Variants in ABI3BP observed in about 807,000 individuals in gnomAD.
ABI3BP encodes the protein ABI family member 3 binding protein.
ABI3BP carries 216 observed loss-of-function variants against 268.6 expected under a neutral mutation model. That is an observed-to-expected ratio of 0.80 (90% confidence interval 0.72 to 0.90). The LOEUF is 0.90. ABI3BP is among the 40% of genes least tolerant of loss of function. The pLI is 0.00. For missense variants in ABI3BP, 2,090 were observed against 2,182.4 expected (o/e 0.96, Z 0.84); for synonymous variants, 730 against 730.0 (o/e 1.00, Z 0.00).
chr3:100,795,802 A>AC lies in ABI3BP; in HGVS notation c.3865+1dup. On this transcript the variant is annotated splice_donor_variant, in intron 53 of 67. Transcript: ENST00000471714. LOFTEE classifies it high-confidence loss of function. ...AGTTGGTCAATATGGGAAAACCATTACCTATTGTTGTCTTTGGTGGCTCAA... is the reference window on the plus strand; with the variant it reads ...AGTTGGTCAATATGGGAAAACCATTACCCTATTGTTGTCTTTGGTGGCTCAA... 1 of 1,287,294 alleles carries AC rather than the reference A, an allele frequency of 7.8e-7. No individual in the cohort carries two copies. 79.7% of individuals were successfully genotyped at this position (1,287,294 alleles called of 1,614,324 possible).
intron 50 of ABI3BP, among the ~76,000 whole-genome samples, chr3:100,806,621 T>C (rs1432514230): frequency 1.3e-5 from 2 of 152,092 alleles, no homozygotes; most frequent in African/African-American, 4.8e-5. Context: ...TTACATTAAG[T>C]AGCACTGACA....
At chr3:100,862,283 G>T (rs753946402) in intron 14 of ABI3BP, 28 bp downstream of exon 14, 7 of 1,482,882 alleles carry the variant, frequency 4.7e-6, no homozygotes, top group South Asian at 1.3e-5. Flanking sequence ...TGTTATAATC[G>T]ATTTTTTTAA....
At chr3:100,976,958 C>T (rs748036743) in intron 1 of ABI3BP, among the ~76,000 whole-genome samples, 9 of 152,212 alleles carry the variant, frequency 5.9e-5, no homozygotes, top group African/African-American at 1.2e-4. Context: ...AGATGTGGTC[C>T]TTTAGCTGCT....
In ABI3BP at chr3:100,834,731, G is replaced by A; in HGVS notation, c.2234C>T (p.Pro745Leu). ...SQRTRTRRPR[P>L]KHKTTPRPET... ...TGGGCGTGGCGTGGTTTTATGTTTG[G>A]GACGTGGACGACGTGTTCTTGTTCG... is the stretch of plus-strand genomic sequence containing the variant. Residue 745 changes from proline to leucine, a missense_variant, in exon 29 of 68, where the codon CCC becomes CTC. Transcript: ENST00000471714. 6.5e-7 allele frequency: 1 copy of A among 1,535,722 alleles called. No homozygotes were observed. Among genetic ancestry groups the A allele is most frequent in the Non-Finnish European group, 8.7e-7 (1 of 1,146,570 alleles).
intron 2 of ABI3BP, among the ~76,000 whole-genome samples, chr3:100,913,165 A>G (rs2057385987): frequency 6.6e-6 from 1 of 152,214 alleles, no homozygotes; most frequent in East Asian, 1.9e-4. Context: ...TATTCCGGTG[A>G]CAAAGAACTG....
intron 1 of ABI3BP, among the ~76,000 whole-genome samples, chr3:100,981,147 C>T (rs2089197378): frequency 1.3e-5 from 2 of 151,880 alleles, no homozygotes; most frequent in African/African-American, 2.4e-5. Context: ...GTGTGCTTTT[C>T]TAAGATTGGT....
intron 6 of ABI3BP, among the ~76,000 whole-genome samples, chr3:100,881,948 T>A (rs1325193109): frequency 6.6e-6 from 1 of 152,210 alleles, no homozygotes; most frequent in African/African-American, 2.4e-5. Context: ...TATCTAGATA[T>A]ATGAATTACA....
intron 14 of ABI3BP, among the ~76,000 whole-genome samples, chr3:100,861,108 A>C (rs1306370456): frequency 3.3e-5 from 5 of 152,184 alleles, no homozygotes; most frequent in African/African-American, 1.2e-4. Flanking sequence ...TTTTAGAGTC[A>C]GTGACTAGGG....
At chr3:100,990,770 G>A (rs1417502183) in intron 1 of ABI3BP, among the ~76,000 whole-genome samples, 6 of 152,014 alleles carry the variant, frequency 3.9e-5, no homozygotes, top group Middle Eastern at 3.2e-3. Context: ...CTGCCTATCT[G>A]GCAGGAGGCA....
intron 44 of ABI3BP, among the ~76,000 whole-genome samples, chr3:100,814,189 G>T (rs1489144955): frequency 2.0e-5 from 3 of 151,818 alleles, no homozygotes; most frequent in Non-Finnish European, 4.4e-5. Context: ...AAAAAAAATT[G>T]CTGACTCCTG....
chr3:100,917,270 T>A (rs976851223), intron 2 of ABI3BP, among the ~76,000 whole-genome samples: 1 of 152,056 alleles, frequency 6.6e-6, no homozygotes, highest in Non-Finnish European at 1.5e-5. Flanking sequence ...CAAAAACAAT[T>A]GGGGAACAAT....
chr3:100,806,447 A>C (rs1307397911), intron 50 of ABI3BP, among the ~76,000 whole-genome samples: 1 of 152,110 alleles, frequency 6.6e-6, no homozygotes, highest in East Asian at 1.9e-4. Context: ...ATATGTGTAC[A>C]TATACACACC....
At chr3:100,982,477 A>G (rs539803447) in intron 1 of ABI3BP, among the ~76,000 whole-genome samples, 4 of 151,864 alleles carry the variant, frequency 2.6e-5, no homozygotes, top group African/African-American at 7.2e-5. Context: ...CAGAAAGGTG[A>G]AGCATTAGGT....
chr3:100,779,529 A>G (rs867931588), intron 58 of ABI3BP, among the ~76,000 whole-genome samples: 40 of 152,108 alleles, frequency 2.6e-4, no homozygotes, highest in Non-Finnish European at 8.8e-5. Flanking sequence ...TTTTTGGCAT[A>G]ACATATGTTG....
intron 63 of ABI3BP, among the ~76,000 whole-genome samples, chr3:100,760,690 A>C: frequency 6.6e-6 from 1 of 152,170 alleles, no homozygotes; most frequent in East Asian, 1.9e-4. Context: ...CAGTGGTGTA[A>C]GACTTATTAA....
intron 1 of ABI3BP, among the ~76,000 whole-genome samples, chr3:100,980,886 G>A (rs1281624434): frequency 1.3e-5 from 2 of 152,198 alleles, no homozygotes; most frequent in African/African-American, 2.4e-5. Context: ...GAAAACAGCA[G>A]AATTCTCTGC....
intron 2 of ABI3BP, among the ~76,000 whole-genome samples, chr3:100,902,910 A>G (rs1243567842): frequency 6.6e-6 from 1 of 152,212 alleles, no homozygotes; most frequent in African/African-American, 2.4e-5. Context: ...GGCAAGGGTG[A>G]GGGAGAAGTC....
Position 100,886,127 on chromosome 3 carries a change from T to C in ABI3BP, c.643+15A>G, listed in dbSNP as rs371243580. On this transcript the variant is annotated intron_variant, in intron 5 of 67. Coordinates refer to ENST00000471714, the MANE Select transcript of ABI3BP (RefSeq NM_001375547.2). ...TTATAAAAGCTTACTGAAACAAACA[T>C]TTCTAGGTACTTACTTCCAACAACA... 2.4e-5 allele frequency: 38 copies of C among 1,551,694 alleles called. No homozygotes were observed. The East Asian group carries it at 7.6e-4, about 31-fold the overall frequency.
At chr3:100,859,237 T>C (rs1243685320) in intron 14 of ABI3BP, among the ~76,000 whole-genome samples, 1 of 151,938 alleles carries the variant, frequency 6.6e-6, no homozygotes, top group African/African-American at 2.4e-5. Flanking sequence ...AGATGCATCA[T>C]ACCCCAACAG....
Sources: gnomAD v4.1 joint callset for allele counts (sites outside exome capture counted in the v4.1 genomes callset) on GRCh38, gnomAD v4.1.1 for gene constraint, MANE v1.5 for transcripts, NCBI Gene and HGNC (gene_info 2026-07-23, HGNC 2026-07-21) for gene names.